KCNIP4: variants seen among roughly 807,000 people sequenced by gnomAD.
KCNIP4 encodes the protein potassium voltage-gated channel interacting protein 4.
A neutral mutation model predicts 34.0 loss-of-function variants in KCNIP4; 12 were observed. The observed-to-expected ratio is 0.35, with a 90% CI of 0.23 to 0.57. KCNIP4 has a LOEUF of 0.57. Among genes scored for constraint, KCNIP4 ranks in the 20% least tolerant of loss-of-function variants. KCNIP4 has a pLI of 0.83. For missense variants in KCNIP4, 238 were observed against 311.7 expected (o/e 0.76, Z 1.78); for synonymous variants, 124 against 102.2 (o/e 1.21, Z -1.29).
At chr4:20,906,098 C>T (rs955709762) in intron 1 of KCNIP4, among the ~76,000 whole-genome samples, 28 of 131,664 alleles carry the variant, frequency 2.1e-4, no homozygotes, top group Non-Finnish European at 3.9e-4. Context: ...TCTTTTCTTT[C>T]TCTCTTTTTC....
intron 1 of KCNIP4, among the ~76,000 whole-genome samples, chr4:21,134,995 T>C (rs560063434): frequency 6.6e-6 from 1 of 152,320 alleles, no homozygotes; most frequent in South Asian, 2.1e-4. Flanking sequence ...ACAAATGGCA[T>C]CAGTAGAACT....
chr4:21,943,989 A>C (rs76455248), intron 1 of KCNIP4, among the ~76,000 whole-genome samples: 1 of 151,634 alleles, frequency 6.6e-6, no homozygotes, highest in Non-Finnish European at 1.5e-5. Flanking sequence ...GCCTCAAAAA[A>C]TGTTGCCACG....
At chr4:20,921,575 T>A (rs958968953) in intron 1 of KCNIP4, among the ~76,000 whole-genome samples, 3 of 152,238 alleles carry the variant, frequency 2.0e-5, no homozygotes, top group African/African-American at 2.4e-5. Flanking sequence ...TAGGTAGGAA[T>A]AAAGCTATTT....
At chr4:21,365,184 A>G (rs576490983) in intron 1 of KCNIP4, among the ~76,000 whole-genome samples, 1 of 152,228 alleles carries the variant, frequency 6.6e-6, no homozygotes, top group Admixed American at 6.6e-5. Flanking sequence ...CATTTTCCAG[A>G]TTATATTGAA....
At chr4:21,402,099 C>T (rs1366594645) in intron 1 of KCNIP4, among the ~76,000 whole-genome samples, 1 of 152,186 alleles carries the variant, frequency 6.6e-6, no homozygotes, top group East Asian at 1.9e-4. Flanking sequence ...CATATACTTT[C>T]TCCTCCAGGT....
chr4:21,229,951 T>A (rs1758675708), intron 1 of KCNIP4, among the ~76,000 whole-genome samples: 1 of 152,154 alleles, frequency 6.6e-6, no homozygotes, highest in African/African-American at 2.4e-5. Flanking sequence ...TGTATTGGGT[T>A]AAATAGTGTC....
intron 1 of KCNIP4, among the ~76,000 whole-genome samples, chr4:21,691,466 T>A (rs541768078): frequency 1.3e-5 from 2 of 152,300 alleles, no homozygotes; most frequent in East Asian, 3.9e-4. Context: ...TGCTCCAATA[T>A]AGAGTCACTT....
chr4:21,584,963 G>GA (rs11410528), intron 1 of KCNIP4, among the ~76,000 whole-genome samples: 9,911 of 152,056 alleles, frequency 0.065, 478 homozygotes, highest in African/African-American at 0.13. Context: ...ATTTTTGTAG[G>GA]AAAAAACTGA....
intron 1 of KCNIP4, among the ~76,000 whole-genome samples, chr4:21,750,628 G>T (rs558976235): frequency 2.0e-5 from 3 of 152,300 alleles, no homozygotes; most frequent in East Asian, 3.9e-4. Context: ...CTAGGACCAA[G>T]AATTAAGTAG....
chr4:21,506,175 C>T (rs780626569), intron 1 of KCNIP4, among the ~76,000 whole-genome samples: 3 of 152,104 alleles, frequency 2.0e-5, no homozygotes, highest in Admixed American at 1.3e-4. Context: ...AGCAGTTATC[C>T]TACAGCCAGT....
intron 3 of KCNIP4, among the ~76,000 whole-genome samples, chr4:20,834,270 G>A (rs1578731807): frequency 1.3e-5 from 2 of 152,182 alleles, no homozygotes; most frequent in Non-Finnish European, 2.9e-5. Context: ...TAGGGAGAGG[G>A]CTCAGTGGGG....
intron 1 of KCNIP4, among the ~76,000 whole-genome samples, chr4:21,896,186 G>A (rs1727375119): frequency 6.6e-6 from 1 of 152,134 alleles, no homozygotes; most frequent in Non-Finnish European, 1.5e-5. Context: ...CTATTTGCCA[G>A]GCACTTAAAG....
intron 3 of KCNIP4, among the ~76,000 whole-genome samples, chr4:20,806,926 A>G (rs1715172909): frequency 6.6e-6 from 1 of 152,142 alleles, no homozygotes; most frequent in African/African-American, 2.4e-5. Context: ...GACAGAGCCA[A>G]TTGATATCCA....
rs1230012484 is a variant in KCNIP4, at chr4:21,694,931, T to TA, written c.61+253639dup. ...CGATTGACCAAAAAAAAAAAAAAAA[T>TA]AAAAATAAATAAATAAATAAAGGGC... On this transcript the variant is annotated intron_variant, in intron 1 of 8. Coordinates refer to ENST00000382152, the MANE Select transcript of KCNIP4 (RefSeq NM_025221.6). Among the ~76,000 whole-genome samples, 49 of 47,412 alleles carry TA rather than the reference T, an allele frequency of 1.0e-3. 4 individuals carry two copies. Among genetic ancestry groups the TA allele is most frequent in the African/African-American group, 3.0e-3 (47 of 15,488 alleles). The allele number at this position is 47,412 out of a possible 152,430, so 31.1% of individuals were successfully genotyped here. A position where few individuals can be genotyped will look rare whatever the true frequency, so the allele number is the denominator to read the frequency against.
At chr4:21,745,098 C>A (rs1318602928) in intron 1 of KCNIP4, among the ~76,000 whole-genome samples, 6 of 152,074 alleles carry the variant, frequency 3.9e-5, no homozygotes, top group Non-Finnish European at 8.8e-5. Context: ...AAGCATAGAG[C>A]TATGGAAAAG....
At chr4:20,996,752 C>T (rs921428904) in intron 1 of KCNIP4, among the ~76,000 whole-genome samples, 1 of 134,878 alleles carries the variant, frequency 7.4e-6, no homozygotes, top group Non-Finnish European at 1.6e-5. Flanking sequence ...CACTCACCAA[C>T]CTCCCTGAAC....
intron 1 of KCNIP4, among the ~76,000 whole-genome samples, chr4:21,002,615 G>A (rs899884703): frequency 1.8e-4 from 27 of 152,162 alleles, no homozygotes; most frequent in South Asian, 6.2e-4. Context: ...TCAGCAATAC[G>A]TGGGAGAGTG....
chr4:21,137,015 G>C (rs905775779), intron 1 of KCNIP4, among the ~76,000 whole-genome samples: 1 of 151,962 alleles, frequency 6.6e-6, no homozygotes, highest in African/African-American at 2.4e-5. Flanking sequence ...CCAAACTCTG[G>C]GTTCCATTCC....
intron 1 of KCNIP4, among the ~76,000 whole-genome samples, chr4:21,297,434 G>A (rs953811395): frequency 4.6e-5 from 7 of 151,982 alleles, no homozygotes; most frequent in African/African-American, 1.7e-4. Flanking sequence ...ACTATCACTC[G>A]GCCCTAAATT....
Sources: allele counts gnomAD v4.1 joint callset (sites outside exome capture counted in the v4.1 genomes callset), GRCh38; gene constraint gnomAD v4.1.1; transcripts MANE v1.5; gene names NCBI Gene and HGNC (gene_info 2026-07-23, HGNC 2026-07-21).